The following IKBIP variants were observed in gnomAD, a reference collection of about 807,000 sequenced individuals.
The protein encoded by IKBIP is inhibitor of nuclear factor kappa-B kinase-interacting protein.
A neutral mutation model predicts 31.0 loss-of-function variants in IKBIP; 28 were observed. The observed-to-expected ratio is 0.90, with a 90% CI of 0.67 to 1.24. The LOEUF is 1.24. Ranked by LOEUF, IKBIP falls within the 50% of genes most tolerant of loss-of-function variation. The pLI is 0.00. For synonymous variants in IKBIP, 164 were observed against 160.3 expected (o/e 1.02, Z -0.17); for missense variants, 453 against 441.9 (o/e 1.03, Z -0.23).
chr12:98,630,828 G>A (rs1197179295), intron 2 of IKBIP, among the ~76,000 whole-genome samples: 1 of 152,208 alleles, frequency 6.6e-6, no homozygotes, highest in African/African-American at 2.4e-5. Flanking sequence ...TCTGGGTTAT[G>A]CTGCCCTTTA....
chr12:98,616,701 T>C (rs1214740040), intron 2 of IKBIP, among the ~76,000 whole-genome samples: 1 of 152,226 alleles, frequency 6.6e-6, no homozygotes, highest in Non-Finnish European at 1.5e-5. Flanking sequence ...TTCTTCTGCA[T>C]AGGATATCCA....
chr12:98,642,599 C>CTTTTTT (rs11380575), intron 1 of IKBIP, among the ~76,000 whole-genome samples: 4 of 115,278 alleles, frequency 3.5e-5, no homozygotes, highest in East Asian at 2.6e-4. Flanking sequence ...ATGCTATCTG[C>CTTTTTT]TTTTTTTTTT....
chr12:98,636,476 T>C (rs2097625820), intron 1 of IKBIP, among the ~76,000 whole-genome samples: 1 of 152,226 alleles, frequency 6.6e-6, no homozygotes, highest in Admixed American at 6.5e-5. Context: ...TGTGCATCCT[T>C]GCAAAAGTGG....
intron 2 of IKBIP, among the ~76,000 whole-genome samples, chr12:98,627,747 AT>A (rs58073801): frequency 0.028 from 4,258 of 152,246 alleles, 208 homozygotes; most frequent in African/African-American, 0.095. Flanking sequence ...CCTCGATGTC[AT>A]TTTTATGGTT....
intron 1 of IKBIP, among the ~76,000 whole-genome samples, chr12:98,638,402 C>T (rs557595404): frequency 4.6e-5 from 7 of 152,236 alleles, no homozygotes; most frequent in African/African-American, 1.7e-4. Flanking sequence ...CCCCCTCAGC[C>T]TCCTGAGTAG....
chr12:98,618,047 T>C (rs1416407657), intron 2 of IKBIP, among the ~76,000 whole-genome samples: 1 of 152,146 alleles, frequency 6.6e-6, no homozygotes, highest in East Asian at 1.9e-4. Context: ...TGTCGATAAA[T>C]GTGTTACTTA....
In IKBIP at chr12:98,634,465, C is replaced by T. The variant is rs537289203; in HGVS notation, c.180-52G>A. ...TCTCCAATTCATATCCATTTAAATC[C>T]GAATTTCAAAGGAGAATTATACCCA... On this transcript the variant is annotated intron_variant, in intron 1 of 2. Transcript: ENST00000299157. The T allele has an allele frequency of 1.6e-4, 144 of 925,894 alleles. No individual in the cohort carries two copies. In the South Asian group the frequency reaches 1.7e-3, roughly 11 times the overall value. The allele number at this position is 925,894 out of a possible 1,614,324, so 57.4% of individuals were successfully genotyped here.
chr12:98,644,209 T>C (rs2097635170), intron 1 of IKBIP, among the ~76,000 whole-genome samples: 1 of 152,194 alleles, frequency 6.6e-6, no homozygotes, highest in Non-Finnish European at 1.5e-5. Flanking sequence ...TGAACGCTTC[T>C]GACGTGTAGC....
At chr12:98,618,317 A>T (rs2153294071) in intron 2 of IKBIP, among the ~76,000 whole-genome samples, 1 of 152,196 alleles carries the variant, frequency 6.6e-6, no homozygotes, top group South Asian at 2.1e-4. Context: ...TTTTCTTATC[A>T]ATTATCTTTC....
At chr12:98,626,913 C>A in intron 2 of IKBIP, 147 bp from the exon 3 acceptor site, 1 of 255,628 alleles carries the variant, frequency 3.9e-6, no homozygotes, top group South Asian at 5.8e-5. Context: ...ATCAGACTGA[C>A]AAAGATATTT....
chr12:98,618,613 C>A (rs533136969), intron 2 of IKBIP, among the ~76,000 whole-genome samples: 7 of 143,300 alleles, frequency 4.9e-5, no homozygotes, highest in African/African-American at 1.8e-4. Flanking sequence ...GCGACAGAGC[C>A]AGACTCTGTC....
chr12:98,636,109 A>C (rs966686958), intron 1 of IKBIP, among the ~76,000 whole-genome samples: 1 of 152,234 alleles, frequency 6.6e-6, no homozygotes, highest in Non-Finnish European at 1.5e-5. Flanking sequence ...AACACTTGAA[A>C]TTCTTTGCAT....
intron 2 of IKBIP, 95 bp from the exon 3 acceptor site, chr12:98,626,861 G>A (rs935342637): frequency 2.5e-5 from 23 of 911,678 alleles, no homozygotes; most frequent in Non-Finnish European, 3.6e-5. Flanking sequence ...CACATGCCAC[G>A]TTAAAATTCT....
chr12:98,613,838 C>A, exon 3 of IKBIP: 1 of 1,611,604 alleles, frequency 6.2e-7, no homozygotes, highest in Non-Finnish European at 8.5e-7. Context: ...AACTTTGGCT[C>A]TGTCACCTTC....
downstream of IKBIP, among the ~76,000 whole-genome samples, chr12:98,620,162 C>A (rs2097609010): frequency 6.7e-6 from 1 of 149,208 alleles, no homozygotes; most frequent in African/African-American, 2.5e-5. Flanking sequence ...CTCAAGTAAT[C>A]CGCCCACCTC....
At chr12:98,634,783 C>T (rs2097624266) in intron 1 of IKBIP, among the ~76,000 whole-genome samples, 1 of 150,730 alleles carries the variant, frequency 6.6e-6, no homozygotes, top group East Asian at 1.9e-4. Context: ...GATCTAGGCT[C>T]ACTGCAAGCT....
At chr12:98,630,322 T>C (rs2097618746) in intron 2 of IKBIP, among the ~76,000 whole-genome samples, 1 of 125,060 alleles carries the variant, frequency 8.0e-6, no homozygotes, top group African/African-American at 3.1e-5. Context: ...GAGGCAGAGG[T>C]TGCAGTGACC....
chr12:98,639,285 C>T (rs566464560), intron 1 of IKBIP, among the ~76,000 whole-genome samples: 2 of 152,292 alleles, frequency 1.3e-5, no homozygotes, highest in African/African-American at 4.8e-5. Flanking sequence ...AAGCAGGGTT[C>T]CCGACCACTT....
At position 98,634,532 on chromosome 12, in the gene IKBIP, AG is replaced by A; in HGVS notation, c.180-120del. 3.8e-5 allele frequency: 16 copies of A among 420,184 alleles called. No homozygotes were observed. In the East Asian group the frequency reaches 7.0e-4, roughly 18 times the overall value. 26.0% of individuals were successfully genotyped at this position (420,184 alleles called of 1,614,324 possible). The stretch of plus-strand genomic sequence containing the variant: ...CATAAATTCTGGTATGGGTAGCTGT[AG>A]GTTTTTTTTTTTTTTTTTTCACACA... On this transcript the variant is annotated intron_variant, in intron 1 of 2. Transcript: ENST00000299157.
Sources: allele counts gnomAD v4.1 joint callset (sites outside exome capture counted in the v4.1 genomes callset), GRCh38; gene constraint gnomAD v4.1.1; transcripts MANE v1.5; gene names NCBI Gene and HGNC (gene_info 2026-07-23, HGNC 2026-07-21).